The following PAH variants were observed in gnomAD, a reference collection of about 807,000 sequenced individuals.
PAH encodes the protein phenylalanine hydroxylase, also known as phenylalanine-4-hydroxylase.
In PAH, 64 loss-of-function variants were observed where a neutral mutation model predicts 62.0. The observed-to-expected ratio is 1.03, with a 90% CI of 0.84 to 1.27. The LOEUF (loss-of-function observed/expected upper bound fraction) is 1.27. Ranked by LOEUF, PAH falls within the 50% of genes most tolerant of loss-of-function variation. The pLI, the probability that PAH is intolerant of heterozygous loss-of-function variation, is 0.00. For synonymous variants in PAH, 195 were observed against 196.2 expected (o/e 0.99, Z 0.05); for missense variants, 579 against 542.8 (o/e 1.07, Z -0.66).
intron 1 of PAH, among the ~76,000 whole-genome samples, chr12:102,956,000 T>G (rs1299699711): frequency 6.6e-6 from 1 of 152,198 alleles, no homozygotes; most frequent in Non-Finnish European, 1.5e-5. Flanking sequence ...CCGTCATTAC[T>G]GCCCACCATC....
chr12:102,868,211 C>T (rs1365438688), intron 4 of PAH, among the ~76,000 whole-genome samples: 1 of 126,854 alleles, frequency 7.9e-6, no homozygotes, highest in Non-Finnish European at 1.7e-5. Context: ...TATATCAGGG[C>T]CTACCAGTAA....
At chr12:102,868,546 C>T (rs1405087592) in intron 4 of PAH, among the ~76,000 whole-genome samples, 2 of 151,810 alleles carry the variant, frequency 1.3e-5, no homozygotes, top group Non-Finnish European at 2.9e-5. Flanking sequence ...CCCTAGAGCA[C>T]TGAATGGTTT....
chr12:102,884,031 A>G (rs1192830432), intron 3 of PAH, among the ~76,000 whole-genome samples: 4 of 152,240 alleles, frequency 2.6e-5, no homozygotes, highest in Admixed American at 1.3e-4. Context: ...TATTATCATT[A>G]TAGAAGGACA....
chr12:102,912,820 C>A lies in PAH; in HGVS notation c.139G>T (p.Ala47Ser), dbSNP rs1206656229. 3 of 1,613,354 alleles carry A rather than the reference C, an allele frequency of 1.9e-6. No homozygotes were observed. The highest frequency in any genetic ancestry group is 2.2e-5 in the South Asian group (2 of 91,072). Residue 47 changes from alanine (A) to serine (S), a missense_variant, in exon 2 of 13, where the codon GCA becomes TCA. Physicochemically the swap from Ala to Ser is moderately conservative, Grantham distance 99 (BLOSUM62 1). Coordinates refer to ENST00000553106, the MANE Select transcript of PAH (RefSeq NM_000277.3). ...LIFSLKEEVGALAKVLRLFEE... is the reference protein window; with the variant it reads ...LIFSLKEEVGSLAKVLRLFEE... ...AATAAGCGCAATACTTTGGCCAATGCACCAACTTCTTCTTTGAGTGAGAAG... is the reference window on the plus strand; with the variant it reads ...AATAAGCGCAATACTTTGGCCAATGAACCAACTTCTTCTTTGAGTGAGAAG...
chr12:102,905,189 C>G (rs1877928169), intron 2 of PAH, among the ~76,000 whole-genome samples: 1 of 152,180 alleles, frequency 6.6e-6, no homozygotes. Context: ...AATATCAAGC[C>G]TATATTCCTC....
chr12:102,952,501 CA>C (rs1879795818), upstream of PAH, among the ~76,000 whole-genome samples: 2 of 152,108 alleles, frequency 1.3e-5, no homozygotes, highest in South Asian at 2.1e-4. Flanking sequence ...ACAAATCCTA[CA>C]AAAGTTTAGA....
At chr12:102,900,625 T>TA (rs1021885894) in intron 2 of PAH, among the ~76,000 whole-genome samples, 6 of 152,288 alleles carry the variant, frequency 3.9e-5, no homozygotes, top group Non-Finnish European at 5.9e-5. Flanking sequence ...GTCAATTTGT[T>TA]AAAAAATAAC....
intron 1 of PAH, among the ~76,000 whole-genome samples, chr12:102,925,583 A>C (rs1484164922): frequency 6.6e-6 from 1 of 152,186 alleles, no homozygotes; most frequent in Non-Finnish European, 1.5e-5. Flanking sequence ...ACTTCAGAGA[A>C]AAATGCAACG....
chr12:102,896,163 G>T (rs900620326), intron 2 of PAH, among the ~76,000 whole-genome samples: 6 of 152,158 alleles, frequency 3.9e-5, no homozygotes, highest in Admixed American at 1.3e-4. Context: ...AGGGCAGATT[G>T]CAGGACTAAA....
At chr12:102,878,026 A>G (rs1314691256) in intron 3 of PAH, among the ~76,000 whole-genome samples, 1 of 152,150 alleles carries the variant, frequency 6.6e-6, no homozygotes, top group Non-Finnish European at 1.5e-5. Flanking sequence ...GAGTTCTACC[A>G]TGTTGACCAG....
chr12:102,878,555 T>C (rs1876676721), intron 3 of PAH, among the ~76,000 whole-genome samples: 1 of 151,994 alleles, frequency 6.6e-6, no homozygotes, highest in East Asian at 1.9e-4. Flanking sequence ...AAGGGCATTT[T>C]GGACCGTAAG....
At chr12:102,840,840 T>C (rs1874565288) in intron 11 of PAH, among the ~76,000 whole-genome samples, 1 of 151,374 alleles carries the variant, frequency 6.6e-6, no homozygotes, top group East Asian at 1.9e-4. Flanking sequence ...AAATCAAGAG[T>C]AAGTAAAATC....
At chr12:102,843,579 C>G (rs1874678618) in intron 11 of PAH, 67 bp downstream of exon 11, 2 of 1,573,244 alleles carry the variant, frequency 1.3e-6, no homozygotes, top group Non-Finnish European at 1.7e-6. Context: ...TGGCCAACCA[C>G]CCACAGATGA....
chr12:102,909,158 G>A (rs1055413246), intron 2 of PAH, among the ~76,000 whole-genome samples: 3 of 151,972 alleles, frequency 2.0e-5, no homozygotes, highest in East Asian at 3.9e-4. Flanking sequence ...AGCTCCTCTC[G>A]GCTGTGACAG....
chr12:102,917,906 A>G (rs907031349), upstream of PAH, among the ~76,000 whole-genome samples: 3 of 152,252 alleles, frequency 2.0e-5, no homozygotes, highest in African/African-American at 7.2e-5. Flanking sequence ...GTTCTTCCAC[A>G]TAAACACTCA....
At chr12:102,864,878 T>TA (rs1280966661) in intron 5 of PAH, among the ~76,000 whole-genome samples, 1 of 150,792 alleles carries the variant, frequency 6.6e-6, no homozygotes, top group African/African-American at 2.4e-5. Context: ...AAAGACATGG[T>TA]AAAAAGAGCA....
chr12:102,896,412 G>A (rs1214576478), intron 2 of PAH, among the ~76,000 whole-genome samples: 1 of 152,140 alleles, frequency 6.6e-6, no homozygotes, highest in Admixed American at 6.5e-5. Context: ...AAAGAAATAG[G>A]GATCTTTGCA....
At chr12:102,938,146 G>A (rs1415680918) in intron 1 of PAH, among the ~76,000 whole-genome samples, 2 of 152,214 alleles carry the variant, frequency 1.3e-5, no homozygotes, top group African/African-American at 2.4e-5. Flanking sequence ...AGAGAGCAGA[G>A]AGGAATGAGG....
rs184127501 is a variant in PAH at position 102,957,554 on chromosome 12, G to A, written c.-96+641C>T. On this transcript the variant is annotated intron_variant, in intron 1 of 4. Coordinates refer to the PAH transcript ENST00000551337. The surrounding 1 kb of genome is among the most constrained non-coding windows in gnomAD (Gnocchi z 4.1). ...GGGTGGGAGGAAGAGGTAAGAGGAG[G>A]GGGGGGAGTGGGGGCTGCAGCCGCT... 6.3e-4 allele frequency: 95 copies of A among 149,824 alleles called. No homozygotes were observed. The highest frequency in any genetic ancestry group is 2.3e-3 in the African/African-American group (93 of 40,908). 9.3% of individuals were successfully genotyped at this position (149,824 alleles called of 1,614,324 possible). A position where few individuals can be genotyped will look rare whatever the true frequency, so the allele number is the denominator to read the frequency against.
Sources: gnomAD v4.1 joint callset for allele counts (sites outside exome capture counted in the v4.1 genomes callset) on GRCh38, gnomAD v4.1.1 for gene constraint, Gnocchi (gnomAD v3.1) non-coding constraint, MANE v1.5 for transcripts, NCBI Gene and HGNC (gene_info 2026-07-23, HGNC 2026-07-21) for gene names.